GPHN: variants seen among roughly 807,000 people sequenced by gnomAD.
GPHN encodes gephyrin.
A neutral mutation model predicts 95.5 loss-of-function variants in GPHN; 17 were observed. The observed-to-expected ratio is 0.18, with a 90% CI of 0.12 to 0.27. The LOEUF (loss-of-function observed/expected upper bound fraction) is 0.27. Ranked by LOEUF, GPHN falls within the 10% of genes least tolerant of loss-of-function variation. The pLI is 1.00. For synonymous variants in GPHN, 320 were observed against 322.5 expected (o/e 0.99, Z 0.08); for missense variants, 660 against 978.1 (o/e 0.67, Z 4.34).
the GPHN span, among the ~76,000 whole-genome samples, chr14:67,358,663 G>A: frequency 6.6e-6 from 1 of 152,152 alleles, no homozygotes; most frequent in African/African-American, 2.4e-5. Flanking sequence ...TCATACCACT[G>A]CACCCCAGCC....
At chr14:67,263,161 T>G in the GPHN span, among the ~76,000 whole-genome samples, 1 of 152,160 alleles carries the variant, frequency 6.6e-6, no homozygotes, top group Non-Finnish European at 1.5e-5. Flanking sequence ...AATAGGGAAT[T>G]TTCTGTTGAT....
rs191116817 is a variant in GPHN, at chr14:66,808,612, C to G, written c.202-15862C>G. On this transcript the variant is annotated intron_variant, in intron 3 of 22. Transcript: ENST00000478722. Reference sequence around the variant, plus strand: ...AGGAGTTTTAGACCAGCCTGACCAACATGGTGAAACCCCATCTCTAATAAA... The same window carrying G: ...AGGAGTTTTAGACCAGCCTGACCAAGATGGTGAAACCCCATCTCTAATAAA... 9.4e-4 allele frequency among the ~76,000 whole-genome samples: 143 copies of G among 152,320 alleles called. No individual in the cohort carries two copies. In the Middle Eastern group the frequency reaches 0.01, roughly 11 times the overall value.
chr14:67,646,860 A>G, the GPHN span: 2 of 1,398,150 alleles, frequency 1.4e-6, no homozygotes, highest in Non-Finnish European at 2.0e-6. Flanking sequence ...TCTCCCCCAA[A>G]TACATATTTG....
At chr14:67,679,794 TA>T in the GPHN span, among the ~76,000 whole-genome samples, 1 of 152,210 alleles carries the variant, frequency 6.6e-6, no homozygotes, top group Non-Finnish European at 1.5e-5. Flanking sequence ...CTGGATCTGG[TA>T]TACATCTGGT....
the GPHN span, chr14:67,562,499 C>T: frequency 1.2e-6 from 2 of 1,612,348 alleles, no homozygotes; most frequent in East Asian, 2.2e-5. Flanking sequence ...GGTTACTGCT[C>T]AGAGAGGGAT....
At chr14:67,692,340 C>A in the GPHN span, 1 of 1,317,048 alleles carries the variant, frequency 7.6e-7, no homozygotes. Context: ...TATATTTTAT[C>A]CACCACTTCT....
the GPHN span, among the ~76,000 whole-genome samples, chr14:67,443,011 A>G: frequency 1.3e-5 from 2 of 151,774 alleles, no homozygotes; most frequent in African/African-American, 2.4e-5. Flanking sequence ...CTTGAGCCCA[A>G]GGGCTCAAGA....
At chr14:67,312,945 G>T in the GPHN span, among the ~76,000 whole-genome samples, 169 of 152,194 alleles carry the variant, frequency 1.1e-3, no homozygotes, top group Non-Finnish European at 1.8e-3. Context: ...CCATATTGTA[G>T]TACATTTCCT....
chr14:67,312,599 T>A, the GPHN span: 1 of 1,613,902 alleles, frequency 6.2e-7, no homozygotes, highest in African/African-American at 1.3e-5. Flanking sequence ...GTTAGGTCTG[T>A]CTTTTCAAAA....
At chr14:67,230,385 G>C in the GPHN span, among the ~76,000 whole-genome samples, 2 of 152,070 alleles carry the variant, frequency 1.3e-5, no homozygotes, top group African/African-American at 4.8e-5. Flanking sequence ...TTTGAGATCA[G>C]CCTGGGTAAC....
the GPHN span, among the ~76,000 whole-genome samples, chr14:67,301,776 A>T: frequency 6.6e-6 from 1 of 152,336 alleles, no homozygotes; most frequent in East Asian, 1.9e-4. Flanking sequence ...TCCGAAGTTT[A>T]GTAAGCATTT....
chr14:67,310,559 G>A, the GPHN span, among the ~76,000 whole-genome samples: 5 of 152,180 alleles, frequency 3.3e-5, no homozygotes, highest in East Asian at 9.7e-4. Flanking sequence ...TTTAGTTAGT[G>A]AAAATTCACT....
the GPHN span, chr14:67,557,533 C>A: frequency 1.2e-6 from 1 of 868,632 alleles, no homozygotes; most frequent in Non-Finnish European, 1.7e-6. Context: ...TCGCTCCCTC[C>A]TGAGCCTATT....
chr14:66,694,433 C>A (rs1334387129), intron 2 of GPHN, among the ~76,000 whole-genome samples: 1 of 152,114 alleles, frequency 6.6e-6, no homozygotes, highest in African/African-American at 2.4e-5. Context: ...TTCAACTGGT[C>A]TTTGAAAAAG....
chr14:67,205,692 A>T, the GPHN span, among the ~76,000 whole-genome samples: 27 of 152,224 alleles, frequency 1.8e-4, no homozygotes, highest in Non-Finnish European at 3.4e-4. Context: ...AGAATATAGG[A>T]CTGGAAAGTT....
chr14:67,068,149 C>T (rs1262510544), intron 11 of GPHN, among the ~76,000 whole-genome samples: 6 of 152,182 alleles, frequency 3.9e-5, no homozygotes, highest in Admixed American at 1.3e-4. Context: ...AACTGGAACC[C>T]GGGATCCTTA....
the GPHN span, among the ~76,000 whole-genome samples, chr14:67,667,965 C>A: frequency 1.3e-5 from 2 of 151,434 alleles, no homozygotes; most frequent in Non-Finnish European, 2.9e-5. Flanking sequence ...AACAAACAAA[C>A]AAAAAAAATG....
the GPHN span, among the ~76,000 whole-genome samples, chr14:67,214,855 G>C: frequency 6.6e-6 from 1 of 152,006 alleles, no homozygotes; most frequent in Admixed American, 6.6e-5. Flanking sequence ...GCAGTGGTTT[G>C]TAGTTCTCCT....
chr14:67,056,920 C>G (rs1032900395), intron 10 of GPHN, among the ~76,000 whole-genome samples: 6 of 152,218 alleles, frequency 3.9e-5, no homozygotes, highest in African/African-American at 1.4e-4. Flanking sequence ...GTCGGCAATG[C>G]TGGGAGACCC....
Sources: gnomAD v4.1 joint callset for allele counts (sites outside exome capture counted in the v4.1 genomes callset) on GRCh38, gnomAD v4.1.1 for gene constraint, MANE v1.5 for transcripts, NCBI Gene and HGNC (gene_info 2026-07-23, HGNC 2026-07-21) for gene names.